HGD: variants seen among roughly 807,000 people sequenced by gnomAD.
HGD encodes the protein homogentisate oxidase.
A neutral mutation model predicts 60.8 loss-of-function variants in HGD; 61 were observed. That is an observed-to-expected ratio of 1.00 (90% confidence interval 0.82 to 1.24). The LOEUF (loss-of-function observed/expected upper bound fraction) is 1.24. Among genes scored for constraint, HGD ranks in the 50% most tolerant of loss-of-function variants. HGD has a pLI of 0.00. For missense variants in HGD, 542 were observed against 547.1 expected (o/e 0.99, Z 0.09); for synonymous variants, 212 against 187.7 (o/e 1.13, Z -1.06).
intron 4 of HGD, among the ~76,000 whole-genome samples, chr3:120,662,114 C>A (rs1421874259): frequency 6.6e-6 from 1 of 152,012 alleles, no homozygotes; most frequent in Non-Finnish European, 1.5e-5. Flanking sequence ...AGGTAGGGGA[C>A]ATGGAAGTGA....
chr3:120,674,924 A>G lies in HGD; in HGVS notation c.153T>C (p.Cys51=). 6.2e-7 allele frequency: 1 copy of G among 1,611,058 alleles called. No homozygotes were observed. The highest frequency in any genetic ancestry group is 2.2e-5 in the East Asian group (1 of 44,860). ...ACCTTCTCTTATTGGTGCTCCGTGG[A>G]CAAGTGAAAGCCGATCCTGAGAGCT... ...AEQLSGSAFT[C]PRSTNKRSWL... Residue 51 remains cysteine, a synonymous_variant, in exon 3 of 14, where the codon TGT becomes TGC. Coordinates refer to ENST00000283871, the MANE Select transcript of HGD (RefSeq NM_000187.4).
chr3:120,646,926 T>A, intron 8 of HGD, 47 bp downstream of exon 8: 1 of 1,441,008 alleles, frequency 6.9e-7, no homozygotes, highest in East Asian at 2.3e-5. Context: ...ATCTGACTGC[T>A]CCCAAATTAG....
chr3:120,667,065 C>G (rs1233816234), intron 4 of HGD, among the ~76,000 whole-genome samples: 1 of 151,948 alleles, frequency 6.6e-6, no homozygotes, highest in East Asian at 1.9e-4. Context: ...TGGTGCATGC[C>G]TGTAATTCCA....
chr3:120,644,639 CA>C, intron 9 of HGD, 196 bp from the exon 10 acceptor site: 1 of 1,523,672 alleles, frequency 6.6e-7, no homozygotes, highest in Non-Finnish European at 8.8e-7. Context: ...AAAAAATTCA[CA>C]AAAACCAGCA....
At chr3:120,667,326 C>CAAAAAAAAAAAAAAAAAAAAAAAAA (rs71133514) in intron 4 of HGD, among the ~76,000 whole-genome samples, 1 of 60,046 alleles carries the variant, frequency 1.7e-5, no homozygotes, top group Non-Finnish European at 2.9e-5. Context: ...ACTCTTGTCT[C>CAAAAAAAAAAAAAAAAAAAAAAAAA]AAAAAAAAAA....
At chr3:120,658,237 A>G (rs1941558645) in intron 4 of HGD, among the ~76,000 whole-genome samples, 1 of 152,234 alleles carries the variant, frequency 6.6e-6, no homozygotes. Flanking sequence ...ATGAGCCTGT[A>G]AAATATAAAA....
chr3:120,671,986 G>T (rs963640287), intron 3 of HGD, among the ~76,000 whole-genome samples: 2 of 151,780 alleles, frequency 1.3e-5, no homozygotes, highest in Admixed American at 6.6e-5. Flanking sequence ...GGGGCCTGTT[G>T]GGGGGTGGGA....
At chr3:120,667,741 TA>T (rs1707932991) in intron 4 of HGD, among the ~76,000 whole-genome samples, 2 of 152,196 alleles carry the variant, frequency 1.3e-5, no homozygotes, top group African/African-American at 4.8e-5. Context: ...CCTACCCTGT[TA>T]ACCACTACTG....
At chr3:120,670,997 A>G (rs1230761184) in intron 3 of HGD, among the ~76,000 whole-genome samples, 1 of 152,216 alleles carries the variant, frequency 6.6e-6, no homozygotes, top group African/African-American at 2.4e-5. Context: ...ATAGTAAATC[A>G]ATTTTCTCCT....
chr3:120,636,185 G>T (rs554111712), intron 12 of HGD, among the ~76,000 whole-genome samples: 3 of 151,494 alleles, frequency 2.0e-5, no homozygotes, highest in African/African-American at 7.3e-5. Context: ...GAGACTGAGC[G>T]GGGAGGATCA....
At chr3:120,660,052 G>A (rs995251390) in intron 4 of HGD, among the ~76,000 whole-genome samples, 8 of 152,020 alleles carry the variant, frequency 5.3e-5, no homozygotes, top group Admixed American at 6.6e-5. Flanking sequence ...CTTTAAAAGC[G>A]TGTAGCACCT....
chr3:120,665,295 A>G (rs768726941), intron 4 of HGD, among the ~76,000 whole-genome samples: 8 of 152,254 alleles, frequency 5.3e-5, no homozygotes, highest in Non-Finnish European at 1.0e-4. Context: ...ATACTGGTTA[A>G]GAACCAAGAG....
In HGD at chr3:120,647,117, GA is replaced by G; in HGVS notation, c.470-66del. On this transcript the variant is annotated intron_variant, in intron 7 of 13. Coordinates refer to ENST00000283871, the MANE Select transcript of HGD (RefSeq NM_000187.4). ...GGTGTGATAACCATTTCATGAACAG[GA>G]AAGGCTTAAGGCTGCATTTGCTTTT... The G allele has an allele frequency of 7.1e-6, 9 of 1,269,514 alleles. No homozygotes were observed. In the South Asian group the frequency reaches 1.1e-4, roughly 15 times the overall value. The allele number at this position is 1,269,514 out of a possible 1,614,324, so 78.6% of individuals were successfully genotyped here.
At chr3:120,652,752 C>T (rs1378168176) in intron 4 of HGD, 101 bp from the exon 5 acceptor site, 1 of 784,770 alleles carries the variant, frequency 1.3e-6, no homozygotes, top group South Asian at 1.5e-5. Context: ...AGGACAGCTA[C>T]CCCCTCTGTG....
At chr3:120,628,981 A>G (rs1486480262) in intron 13 of HGD, among the ~76,000 whole-genome samples, 1 of 152,178 alleles carries the variant, frequency 6.6e-6, no homozygotes, top group East Asian at 1.9e-4. Context: ...CGACTTGCTT[A>G]AGGCGACAAG....
intron 10 of HGD, among the ~76,000 whole-genome samples, chr3:120,642,780 G>C (rs867017209): frequency 6.6e-6 from 1 of 152,198 alleles, no homozygotes; most frequent in African/African-American, 2.4e-5. Context: ...AGCAGGGGAA[G>C]AAATATCCCA....
At chr3:120,635,181 T>G (rs1173158367) in intron 12 of HGD, among the ~76,000 whole-genome samples, 1 of 152,150 alleles carries the variant, frequency 6.6e-6, no homozygotes, top group Non-Finnish European at 1.5e-5. Context: ...GCCTTTCTGA[T>G]TAAAGCTGAA....
intron 4 of HGD, among the ~76,000 whole-genome samples, chr3:120,653,663 A>G (rs2107523536): frequency 6.6e-6 from 1 of 152,352 alleles, no homozygotes; most frequent in East Asian, 1.9e-4. Context: ...ATACTTAAAA[A>G]GGATGTAAAA....
chr3:120,673,295 C>G (rs1305086259), intron 3 of HGD, among the ~76,000 whole-genome samples: 1 of 152,166 alleles, frequency 6.6e-6, no homozygotes, highest in East Asian at 1.9e-4. Context: ...TAATGAAATG[C>G]CAACAGCTCC....
Sources: gnomAD v4.1 joint callset for allele counts (sites outside exome capture counted in the v4.1 genomes callset) on GRCh38, gnomAD v4.1.1 for gene constraint, MANE v1.5 for transcripts, NCBI Gene and HGNC (gene_info 2026-07-23, HGNC 2026-07-21) for gene names.